Variants in NLRP8 observed in about 807,000 individuals in gnomAD.
NLRP8 encodes NACHT, LRR and PYD domains-containing protein 8.
A neutral mutation model predicts 88.7 loss-of-function variants in NLRP8; 86 were observed. That is an observed-to-expected ratio of 0.97 (90% confidence interval 0.81 to 1.16). The LOEUF (loss-of-function observed/expected upper bound fraction) is 1.16, where lower values mean the gene tolerates loss of function less well. NLRP8 is among the 50% of genes most tolerant of loss of function. The probability of loss-of-function intolerance (pLI) is 0.00; values close to 1 mark genes in which losing one functional copy is unlikely to be tolerated. For missense variants in NLRP8, 1,342 were observed against 1,286.5 expected (o/e 1.04, Z -0.66); for synonymous variants, 504 against 494.6 (o/e 1.02, Z -0.25).
At position 55,947,963 on chromosome 19, in the gene NLRP8, A is replaced by C; in HGVS notation, c.61A>C (p.Ser21Arg). Residue 21 changes from serine (S) to arginine (R), a missense_variant, in exon 1 of 10, where the codon AGT (serine) becomes CGT (arginine). Transcript: ENST00000291971. ...TCCCTTTTCATCCTCCTCCACTCACAGTTCTCATATTCCGCCCTGGACATT... is the reference window on the plus strand; with the variant it reads ...TCCCTTTTCATCCTCCTCCACTCACCGTTCTCATATTCCGCCCTGGACATT... The C allele has an allele frequency of 1.2e-6, 2 of 1,613,994 alleles. No individual in the cohort carries two copies. Among genetic ancestry groups the C allele is most frequent in the Non-Finnish European group, 1.7e-6 (2 of 1,179,988 alleles).
At position 55,955,010 on chromosome 19, in the gene NLRP8, A is replaced by G; in HGVS notation, c.952A>G (p.Ser318Gly). 1 of 1,614,192 alleles carries G rather than the reference A, an allele frequency of 6.2e-7. No homozygotes were observed. The highest frequency in any genetic ancestry group is 8.5e-7 in the Non-Finnish European group (1 of 1,180,042). ...ATTGCCTGGGTCTGTCCTACTGAGC[A>G]GTTTGCTGAGCAAAACGATGCTTCC... The change falls in exon 3 of 10, where the codon AGT (serine) becomes GGT (glycine). Residue 318 changes from serine (S) to glycine (G), a missense_variant. By Grantham distance (56) the Ser-to-Gly change is moderately conservative. Coordinates refer to ENST00000291971, the MANE Select transcript of NLRP8 (RefSeq NM_176811.2).
intron 5 of NLRP8, 25 bp from the exon 6 acceptor site, chr19:55,970,519 C>T (rs1980026802): frequency 6.2e-7 from 1 of 1,612,246 alleles, no homozygotes; most frequent in African/African-American, 1.3e-5. Flanking sequence ...AACCATGGCT[C>T]AGCATTTGTA....
At chr19:55,981,902 GTTTTTTGTT>G (rs985522855) in intron 9 of NLRP8, among the ~76,000 whole-genome samples, 2 of 21,566 alleles carry the variant, frequency 9.3e-5, no homozygotes, top group Non-Finnish European at 1.9e-4. Flanking sequence ...GGTTTCTCTT[GTTTTTTGTT>G]TTTTTTTTTG....
chr19:55,952,314 C>T (rs1979130788), intron 1 of NLRP8, among the ~76,000 whole-genome samples: 1 of 152,088 alleles, frequency 6.6e-6, no homozygotes, highest in African/African-American at 2.4e-5. Context: ...TTTTGAACAC[C>T]TTACTCAATG....
At chr19:55,965,124 A>G (rs1178901503) in intron 4 of NLRP8, among the ~76,000 whole-genome samples, 2 of 152,074 alleles carry the variant, frequency 1.3e-5, no homozygotes, top group Non-Finnish European at 2.9e-5. Context: ...CATATCTACA[A>G]AAATTTTTCT....
rs1360538795 is a variant in NLRP8 at position 55,954,539 on chromosome 19, T to A, written c.481T>A (p.Phe161Ile). The A allele has an allele frequency of 2.5e-6, 4 of 1,613,768 alleles. No individual in the cohort carries two copies. The highest frequency in any genetic ancestry group is 1.7e-5 in the Admixed American group (1 of 59,954). The change falls in exon 3 of 10, where the codon TTT (phenylalanine) becomes ATT (isoleucine). Residue 161 changes from phenylalanine (F) to isoleucine (I), a missense_variant. By Grantham distance (21) the Phe-to-Ile change is conservative (BLOSUM62 0). Transcript: ENST00000291971. ...GTATAAATCGAATGTGATGGAAAAG[T>A]TTTTCCCCATATGGGACATTACGAC...
At chr19:55,986,593 G>A (rs1980851584) in intron 9 of NLRP8, among the ~76,000 whole-genome samples, 1 of 152,146 alleles carries the variant, frequency 6.6e-6, no homozygotes, top group African/African-American at 2.4e-5. Context: ...GCAGCCTCTT[G>A]CCAGCAGCAG....
Position 55,960,492 on chromosome 19 carries a change from AGAC to A in NLRP8, c.2043-1574_2043-1572del, listed in dbSNP as rs368027104. ...GGGATAACTGTTGGTCACCCGACTA[AGAC>A]CTCAAGAATCTAAGCACAGTGAATC... On this transcript the variant is annotated intron_variant, in intron 3 of 9. Transcript: ENST00000291971. Among the ~76,000 whole-genome samples the A allele has an allele frequency of 3.7e-3, 562 of 152,312 alleles. 4 individuals carry two copies. The highest frequency in any genetic ancestry group is 0.013 in the African/African-American group (542 of 41,564).
intron 4 of NLRP8, among the ~76,000 whole-genome samples, chr19:55,964,100 G>A (rs1200327125): frequency 5.9e-5 from 9 of 152,142 alleles, no homozygotes; most frequent in Non-Finnish European, 8.8e-5. Context: ...CCAAAAACCC[G>A]ATAATTCACC....
At chr19:55,971,129 T>G (rs1980056480) in intron 6 of NLRP8, among the ~76,000 whole-genome samples, 1 of 152,030 alleles carries the variant, frequency 6.6e-6, no homozygotes, top group African/African-American at 2.4e-5. Context: ...ATCACATCGT[T>G]TTGTGTTGCT....
chr19:55,979,498 G>A lies in NLRP8; in HGVS notation c.2981G>A (p.Gly994Glu). The change falls in exon 9 of 10, where the codon GGA (glycine) becomes GAA (glutamate). Residue 994 changes from glycine (G) to glutamate (E), a missense_variant. Gly to Glu is a moderately conservative substitution (Grantham distance 98). Transcript: ENST00000291971. ...CTGGACTTGAGCAAGAATGCGATTG[G>A]AGTCTATGGTATTCTGACCTTGTGC... 1 of 1,614,202 alleles carries A rather than the reference G, an allele frequency of 6.2e-7. No homozygotes were observed. The highest frequency in any genetic ancestry group is 8.5e-7 in the Non-Finnish European group (1 of 1,180,038).
rs774442139 is a variant in NLRP8 at position 55,979,397 on chromosome 19, G to A, written c.2880G>A (p.Leu960=). 8.7e-6 allele frequency: 14 copies of A among 1,613,436 alleles called. No individual in the cohort carries two copies. The African/African-American group carries it at 1.9e-4, about 22-fold the overall frequency. ...GCTGTCTGTTTCTGTGTCACAGGCT[G>A]GAAAACTGCCTGTTCACCTCCATCT... The change falls in exon 9 of 10, where the codon CTG becomes CTA. Residue 960 remains leucine (L), a synonymous_variant. Transcript: ENST00000291971.
Position 55,987,831 on chromosome 19 carries a change from C to G in NLRP8, c.3065C>G (p.Thr1022Ser), listed in dbSNP as rs750392156. Residue 1022 changes from threonine to serine, a missense_variant, in exon 10 of 10, where the codon ACT becomes AGT. By Grantham distance (58) the Thr-to-Ser change is moderately conservative (BLOSUM62 1). Transcript: ENST00000291971. Reference sequence around the variant, plus strand: ...CCCTCCAGCTGTATTCCTGCCTGGACTCGAATAACTAGCTTCTCCCCAACT... The same window carrying G: ...CCCTCCAGCTGTATTCCTGCCTGGAGTCGAATAACTAGCTTCTCCCCAACT... The G allele has an allele frequency of 6.2e-7, 1 of 1,613,936 alleles. No individual in the cohort carries two copies. The highest frequency in any genetic ancestry group is 8.5e-7 in the Non-Finnish European group (1 of 1,179,880).
chr19:55,954,754 C>T lies in NLRP8; in HGVS notation c.696C>T (p.Phe232=). 2 of 1,614,202 alleles carry T rather than the reference C, an allele frequency of 1.2e-6. No homozygotes were observed. Among genetic ancestry groups the T allele is most frequent in the Non-Finnish European group, 1.7e-6 (2 of 1,180,036 alleles). ...TGTTTGAGTGGGCCAGAAACAAGTT[C>T]TACGCCCACAAGCGCTGGTGTGCTT... The change falls in exon 3 of 10, where the codon TTC becomes TTT. Residue 232 remains phenylalanine (F), a synonymous_variant. Coordinates refer to ENST00000291971, the MANE Select transcript of NLRP8 (RefSeq NM_176811.2).
chr19:55,969,013 A>C (rs1052458085), intron 5 of NLRP8, among the ~76,000 whole-genome samples: 2 of 152,146 alleles, frequency 1.3e-5, no homozygotes, highest in African/African-American at 4.8e-5. Context: ...CCCAACAGGC[A>C]CTGGCAAACA....
chr19:55,961,181 T>C (rs10407221), intron 3 of NLRP8, among the ~76,000 whole-genome samples: 18,383 of 151,976 alleles, frequency 0.12, 1,733 homozygotes, highest in African/African-American at 0.25. Context: ...GGGATTACAA[T>C]GTGAGCCACC....
intron 9 of NLRP8, among the ~76,000 whole-genome samples, chr19:55,982,766 T>C (rs1560692): frequency 1.4e-4 from 21 of 151,166 alleles, no homozygotes; most frequent in African/African-American, 5.1e-4. Context: ...ACATAGGGAG[T>C]CCCCATCTAC....
intron 9 of NLRP8, among the ~76,000 whole-genome samples, chr19:55,987,014 C>T (rs1339694711): frequency 6.6e-6 from 1 of 152,186 alleles, no homozygotes; most frequent in African/African-American, 2.4e-5. Flanking sequence ...CCTCTAAAAC[C>T]TCATATTTAC....
At chr19:55,983,780 G>A (rs1051861820) in intron 9 of NLRP8, among the ~76,000 whole-genome samples, 1 of 129,070 alleles carries the variant, frequency 7.7e-6, no homozygotes, top group Admixed American at 8.6e-5. Flanking sequence ...AAGTTGGCAG[G>A]AACTATTTCA....
Sources: allele counts gnomAD v4.1 joint callset (sites outside exome capture counted in the v4.1 genomes callset), GRCh38; gene constraint gnomAD v4.1.1; transcripts MANE v1.5; gene names NCBI Gene and HGNC (gene_info 2026-07-23, HGNC 2026-07-21).